GLG1: variants seen among roughly 807,000 people sequenced by gnomAD.
GLG1 encodes Golgi apparatus protein 1.
In GLG1, 38 loss-of-function variants were observed where a neutral mutation model predicts 160.5. The observed-to-expected ratio is 0.24, with a 90% CI of 0.18 to 0.31. GLG1 has a LOEUF of 0.31. Ranked by LOEUF, GLG1 falls within the 10% of genes least tolerant of loss-of-function variation. The pLI, the probability that GLG1 is intolerant of heterozygous loss-of-function variation, is 1.00. For synonymous variants in GLG1, 644 were observed against 543.4 expected (o/e 1.19, Z -2.57); for missense variants, 1,373 against 1,505.2 (o/e 0.91, Z 1.45).
intron 3 of GLG1, among the ~76,000 whole-genome samples, chr16:74,506,607 C>CAAAAAAAAAA (rs1567489940): frequency 3.9e-5 from 5 of 126,710 alleles, no homozygotes; most frequent in Admixed American, 9.3e-5. Flanking sequence ...AAAAAAAACT[C>CAAAAAAAAAA]AAGAGAAACC....
intron 1 of GLG1, among the ~76,000 whole-genome samples, chr16:74,555,631 G>A (rs543422181): frequency 6.6e-6 from 1 of 152,142 alleles, no homozygotes; most frequent in Admixed American, 6.6e-5. Flanking sequence ...CAAGGCTACA[G>A]TGAGCTGTGA....
At chr16:74,567,181 TG>T (rs981081997) in intron 1 of GLG1, among the ~76,000 whole-genome samples, 1 of 143,640 alleles carries the variant, frequency 7.0e-6, no homozygotes, top group African/African-American at 2.6e-5. Context: ...GTGTTGTGTG[TG>T]GGGGGTGTAG....
intron 2 of GLG1, among the ~76,000 whole-genome samples, chr16:74,531,556 G>T (rs1031768016): frequency 6.6e-6 from 1 of 152,006 alleles, no homozygotes; most frequent in Non-Finnish European, 1.5e-5. Context: ...CAAACTCCTG[G>T]TCTCAAGTGA....
At chr16:74,600,226 C>G (rs574407663) in intron 1 of GLG1, among the ~76,000 whole-genome samples, 12 of 151,948 alleles carry the variant, frequency 7.9e-5, no homozygotes, top group Non-Finnish European at 1.6e-4. Context: ...CATGAGTTCA[C>G]GTATATTTCC....
At chr16:74,518,263 C>G (rs2017047164) in intron 2 of GLG1, among the ~76,000 whole-genome samples, 1 of 152,118 alleles carries the variant, frequency 6.6e-6, no homozygotes, top group Non-Finnish European at 1.5e-5. Flanking sequence ...GCAAGAAGCA[C>G]AAAGTTGGAG....
intron 13 of GLG1, chr16:74,472,635 C>T (rs972384145): frequency 7.6e-7 from 1 of 1,308,124 alleles, no homozygotes; most frequent in African/African-American, 1.5e-5. Flanking sequence ...CCCTTTCGGC[C>T]TGAACAAATG....
chr16:74,502,722 G>GTTTTTTTTTTTTTT (rs745410150), intron 4 of GLG1, among the ~76,000 whole-genome samples: 2 of 109,588 alleles, frequency 1.8e-5, no homozygotes, highest in Non-Finnish European at 3.6e-5. Flanking sequence ...TTTGTTTTTG[G>GTTTTTTTTTTTTTT]TTTTTTTTTT....
chr16:74,491,893 C>T (rs1416157562), intron 7 of GLG1, among the ~76,000 whole-genome samples: 1 of 151,182 alleles, frequency 6.6e-6, no homozygotes, highest in Non-Finnish European at 1.5e-5. Context: ...TCCCAAAGTG[C>T]TGGGATTACA....
At chr16:74,529,318 A>G (rs1440693726) in intron 2 of GLG1, among the ~76,000 whole-genome samples, 2 of 152,102 alleles carry the variant, frequency 1.3e-5, no homozygotes, top group Non-Finnish European at 1.5e-5. Flanking sequence ...ACTACCCATA[A>G]GTTCTTAATT....
intron 1 of GLG1, among the ~76,000 whole-genome samples, chr16:74,600,742 A>C (rs996935499): frequency 1.3e-5 from 2 of 151,066 alleles, no homozygotes; most frequent in East Asian, 1.9e-4. Context: ...AAAAAAAAAA[A>C]AAAAAAAAAA....
At chr16:74,545,508 G>GA (rs1338082722) in intron 1 of GLG1, among the ~76,000 whole-genome samples, 1 of 152,198 alleles carries the variant, frequency 6.6e-6, no homozygotes, top group Non-Finnish European at 1.5e-5. Context: ...TCGAAGCCCA[G>GA]AAAAGTATGT....
chr16:74,573,714 C>T (rs936428496), intron 1 of GLG1, among the ~76,000 whole-genome samples: 3 of 151,042 alleles, frequency 2.0e-5, no homozygotes, highest in African/African-American at 7.3e-5. Flanking sequence ...ATTAGCCCTC[C>T]TGGGTTCAAG....
chr16:74,595,892 G>T (rs998476064), intron 1 of GLG1, among the ~76,000 whole-genome samples: 2 of 152,188 alleles, frequency 1.3e-5, no homozygotes, highest in Admixed American at 1.3e-4. Flanking sequence ...GGGAGGCCAA[G>T]GCGGGTGGAT....
intron 1 of GLG1, among the ~76,000 whole-genome samples, chr16:74,603,703 G>C (rs2082731196): frequency 6.6e-6 from 1 of 152,036 alleles, no homozygotes; most frequent in Admixed American, 6.6e-5. Flanking sequence ...TAAAATGACT[G>C]ACAACATCAA....
chr16:74,535,322 G>A (rs1366602655), intron 1 of GLG1, among the ~76,000 whole-genome samples: 2 of 152,248 alleles, frequency 1.3e-5, no homozygotes, highest in African/African-American at 4.8e-5. Flanking sequence ...ATGAAGAAAT[G>A]ACATAATCCA....
Position 74,465,138 on chromosome 16 carries a change from C to T in GLG1, c.2667+538G>A, listed in dbSNP as rs535602732. ...ACAGGCGTGAGCCACCGTGCCCTGC[C>T]GAACCTTGAGTTTAATGTATGTGTG... On this transcript the variant is annotated intron_variant, in intron 19 of 25. Coordinates refer to ENST00000422840, the MANE Select transcript of GLG1 (RefSeq NM_001145667.2). Among the ~76,000 whole-genome samples, 11 of 152,244 alleles carry T rather than the reference C, an allele frequency of 7.2e-5. No homozygotes were observed. In the South Asian group the frequency reaches 8.3e-4, roughly 11 times the overall value.
In GLG1 at chr16:74,529,155, T is replaced by C. The variant is rs1028566205; in HGVS notation, c.471+2966A>G. On this transcript the variant is annotated intron_variant, in intron 2 of 25. Coordinates refer to ENST00000422840, the MANE Select transcript of GLG1 (RefSeq NM_001145667.2). ...CTGATTTTGTAATTTTTAGTAGATATGGGGTTTTTTACCGTGTTGAACAGG... is the reference window on the plus strand; with the variant it reads ...CTGATTTTGTAATTTTTAGTAGATACGGGGTTTTTTACCGTGTTGAACAGG... Among the ~76,000 whole-genome samples, 10 of 151,846 alleles carry C rather than the reference T, an allele frequency of 6.6e-5. 1 individual carries two copies. In the East Asian group the frequency reaches 1.2e-3, roughly 18 times the overall value.
intron 1 of GLG1, among the ~76,000 whole-genome samples, chr16:74,566,389 T>C (rs1328034251): frequency 1.3e-5 from 2 of 152,244 alleles, no homozygotes; most frequent in East Asian, 1.9e-4. Context: ...CAGTTCTTTC[T>C]ACCACGGCTT....
chr16:74,477,977 A>AAAACGAAC (rs55773213), intron 11 of GLG1, among the ~76,000 whole-genome samples: 9 of 140,200 alleles, frequency 6.4e-5, no homozygotes, highest in African/African-American at 2.3e-4. Context: ...CCGTCTCAAA[A>AAAACGAAC]AAATAAATAA....
Sources: gnomAD v4.1 joint callset for allele counts (sites outside exome capture counted in the v4.1 genomes callset) on GRCh38, gnomAD v4.1.1 for gene constraint, MANE v1.5 for transcripts, NCBI Gene and HGNC (gene_info 2026-07-23, HGNC 2026-07-21) for gene names.